SNAP47: variants seen among roughly 807,000 people sequenced by gnomAD.
SNAP47 encodes the protein synaptosome associated protein 47.
In SNAP47, 20 loss-of-function variants were observed where a neutral mutation model predicts 31.4. The observed-to-expected ratio is 0.64, with a 90% CI of 0.45 to 0.93. The LOEUF (loss-of-function observed/expected upper bound fraction) is 0.93. SNAP47 is among the 40% of genes least tolerant of loss of function. SNAP47 has a pLI of 0.00. For missense variants in SNAP47, 492 were observed against 528.5 expected (o/e 0.93, Z 0.68); for synonymous variants, 194 against 213.4 (o/e 0.91, Z 0.79).
chr1:227,776,392 G>A (rs1664161980), intron 4 of SNAP47: 1 of 986,758 alleles, frequency 1.0e-6, no homozygotes, highest in Non-Finnish European at 1.2e-6. Context: ...GGTCGAACTG[G>A]CTGGAAGGAA....
chr1:227,776,569 A>G (rs1664172290), intron 4 of SNAP47: 1 of 985,402 alleles, frequency 1.0e-6, no homozygotes, highest in African/African-American at 1.7e-5. Context: ...CCCAGGCCGC[A>G]GAGGAACAAC....
rs561350416 is a variant in SNAP47, at chr1:227,767,512, T to C, written c.1113+429T>C. The stretch of plus-strand genomic sequence containing the variant: ...ATGTTATGCATGTACTTGTACTGTG[T>C]ATGTGCATGTGCATGTGTGTGTACT... On this transcript the variant is annotated intron_variant, in intron 4 of 4. Transcript: ENST00000617596. Among the ~76,000 whole-genome samples the C allele has an allele frequency of 1.9e-4, 29 of 149,290 alleles. No homozygotes were observed. In the East Asian group the frequency reaches 2.5e-3, roughly 13 times the overall value.
At chr1:227,735,691 G>T (rs1267132495) in intron 1 of SNAP47, 192 bp downstream of exon 1, 1 of 984,830 alleles carries the variant, frequency 1.0e-6, no homozygotes. Flanking sequence ...GAGTGCGGCG[G>T]TGCGGGGGCG....
chr1:227,739,720 C>G (rs968467858), intron 1 of SNAP47, among the ~76,000 whole-genome samples: 1 of 152,212 alleles, frequency 6.6e-6, no homozygotes, highest in Non-Finnish European at 1.5e-5. Context: ...ACAGATCGCC[C>G]TGCGTGCTGA....
chr1:227,737,148 G>A (rs562690372), intron 1 of SNAP47, among the ~76,000 whole-genome samples: 70 of 152,368 alleles, frequency 4.6e-4, no homozygotes, highest in African/African-American at 1.6e-3. Flanking sequence ...GGCCATGGGG[G>A]ACCCTATGTG....
intron 4 of SNAP47, among the ~76,000 whole-genome samples, chr1:227,780,288 G>A (rs779148426): frequency 6.6e-6 from 1 of 152,196 alleles, no homozygotes; most frequent in Non-Finnish European, 1.5e-5. Flanking sequence ...GGCAGGAGGT[G>A]CGGGCAGGCA....
chr1:227,767,080 C>T lies in SNAP47; in HGVS notation c.1110C>T (p.Thr370=). The T allele has an allele frequency of 1.2e-6, 2 of 1,614,028 alleles. No individual in the cohort carries two copies. Among genetic ancestry groups the T allele is most frequent in the Non-Finnish European group, 1.7e-6 (2 of 1,179,998 alleles). ...ALSEADTQEL[T]QILRRMKGLA... is the part of the protein sequence containing the mutation. ...CTGAGGCAGATACCCAGGAACTAAC[C>T]CAGGTAAGATGTCCCCAGTGCCATG... Residue 370 remains threonine, a synonymous_variant, in exon 4 of 5, where the codon ACC becomes ACT. Transcript: ENST00000617596.
chr1:227,734,930 GC>G (rs1660973475), upstream of SNAP47: 2 of 1,519,200 alleles, frequency 1.3e-6, no homozygotes, highest in Non-Finnish European at 1.8e-6. Context: ...CCTCCCTGGT[GC>G]CCCTCTCTAG....
At chr1:227,749,230 T>C (rs1311991749) in intron 2 of SNAP47, among the ~76,000 whole-genome samples, 1 of 152,044 alleles carries the variant, frequency 6.6e-6, no homozygotes, top group Non-Finnish European at 1.5e-5. Flanking sequence ...TAAGATGGTG[T>C]GTGTGGGGCT....
At position 227,759,144 on chromosome 1, in the gene SNAP47, T is replaced by G. The variant is rs1300409401; in HGVS notation, c.647T>G (p.Val216Gly). The G allele has an allele frequency of 6.2e-7, 1 of 1,614,212 alleles. No individual in the cohort carries two copies. The highest frequency in any genetic ancestry group is 1.1e-5 in the South Asian group (1 of 91,082). Residue 216 changes from valine (V) to glycine (G), a missense_variant, in exon 3 of 5, where the codon GTT becomes GGT. Physicochemically the swap from Val to Gly is moderately radical, Grantham distance 109. Transcript: ENST00000617596. ...GGGATACTGATAAAAATTCCTGCTG[T>G]TATTTCCCACAGAACAGAGTCTCAC... ...KEGILIKIPA[V>G]ISHRTESHVK...
At chr1:227,767,216 C>T in intron 4 of SNAP47, 133 bp downstream of exon 4, 1 of 1,331,386 alleles carries the variant, frequency 7.5e-7, no homozygotes, top group African/African-American at 1.5e-5. Flanking sequence ...GGAGGAGCTG[C>T]TGGCCTCCAC....
intron 1 of SNAP47, among the ~76,000 whole-genome samples, chr1:227,729,001 G>GGGGCGAGGGGTCC (rs1169808664): frequency 6.6e-6 from 1 of 152,244 alleles, no homozygotes; most frequent in Admixed American, 6.5e-5. Context: ...CTCTCTAGGT[G>GGGGCGAGGGGTCC]GGGCGAGGGG....
At chr1:227,729,078 A>T (rs1356114065) in intron 1 of SNAP47, among the ~76,000 whole-genome samples, 3 of 152,218 alleles carry the variant, frequency 2.0e-5, no homozygotes, top group Non-Finnish European at 4.4e-5. Flanking sequence ...CGTCTGCAGG[A>T]TTCTGCCCGT....
At chr1:227,753,366 G>A (rs1662499709) in intron 2 of SNAP47, among the ~76,000 whole-genome samples, 1 of 152,188 alleles carries the variant, frequency 6.6e-6, no homozygotes, top group South Asian at 2.1e-4. Flanking sequence ...ATTGTTCCTT[G>A]TGTAAGAGCA....
chr1:227,732,499 C>G, upstream of SNAP47: 6 of 1,613,348 alleles, frequency 3.7e-6, no homozygotes, highest in Non-Finnish European at 5.1e-6. Context: ...GGGTGCGCAA[C>G]CAAGGAGGCC....
intron 1 of SNAP47, among the ~76,000 whole-genome samples, chr1:227,742,863 A>G (rs1309934444): frequency 1.3e-5 from 2 of 152,200 alleles, no homozygotes; most frequent in Non-Finnish European, 2.9e-5. Context: ...AGAAGCAGAC[A>G]TCTTTGTGTC....
In SNAP47 at chr1:227,747,676, G is replaced by A. The variant is rs369634626; in HGVS notation, c.-45-16G>A. 1.3e-5 allele frequency: 21 copies of A among 1,571,938 alleles called. No individual in the cohort carries two copies. In the African/African-American group the frequency reaches 1.8e-4, roughly 13 times the overall value. On this transcript the variant is annotated splice_polypyrimidine_tract_variant and intron_variant, in intron 1 of 4. Coordinates refer to ENST00000617596, the MANE Select transcript of SNAP47 (RefSeq NM_053052.4). ...CCATGGGTGACGGCAGAACGTTACTGTCTCTTCTCCTTCAGAGGCAGAAGA... is the reference window on the plus strand; with the variant it reads ...CCATGGGTGACGGCAGAACGTTACTATCTCTTCTCCTTCAGAGGCAGAAGA...
At chr1:227,750,395 G>A (rs1264713369) in intron 2 of SNAP47, among the ~76,000 whole-genome samples, 4 of 152,254 alleles carry the variant, frequency 2.6e-5, no homozygotes, top group Non-Finnish European at 4.4e-5. Flanking sequence ...CTGGGAGTCC[G>A]CCAATTTCTA....
chr1:227,766,865 C>T, intron 3 of SNAP47, 94 bp from the exon 4 acceptor site: 1 of 1,541,162 alleles, frequency 6.5e-7, no homozygotes, highest in Non-Finnish European at 8.8e-7. Flanking sequence ...GCGGGAGGAA[C>T]ACCGCCTCAA....
Sources: allele counts gnomAD v4.1 joint callset (sites outside exome capture counted in the v4.1 genomes callset), GRCh38; gene constraint gnomAD v4.1.1; transcripts MANE v1.5; gene names NCBI Gene and HGNC (gene_info 2026-07-23, HGNC 2026-07-21).